Variants in KRT7 observed in about 807,000 individuals in gnomAD.
KRT7 encodes keratin, type II cytoskeletal 7.
KRT7 carries 50 observed loss-of-function variants against 42.8 expected under a neutral mutation model. That is an observed-to-expected ratio of 1.17 (90% CI 0.93 to 1.48). The LOEUF (loss-of-function observed/expected upper bound fraction) is 1.48, where lower values mean the gene tolerates loss of function less well. Among genes scored for constraint, KRT7 ranks in the 40% most tolerant of loss-of-function variants. The pLI is 0.00. For missense variants in KRT7, 588 were observed against 637.6 expected, an observed-to-expected ratio of 0.92 and a Z score of 0.84; for synonymous variants, 268 against 266.3, an observed-to-expected ratio of 1.01 and a Z score of -0.06.
intron 2 of KRT7, among the ~76,000 whole-genome samples, 196 bp from the exon 3 acceptor site, chr12:52,237,313 C>T (rs1942023957): frequency 6.6e-6 from 1 of 152,142 alleles, no homozygotes; most frequent in African/African-American, 2.4e-5. Context: ...ACCCCCCATG[C>T]CAAGACTCAA....
At chr12:52,244,264 C>T (rs907172829) in intron 6 of KRT7, 28 of 954,156 alleles carry the variant, frequency 2.9e-5, no homozygotes, top group Admixed American at 2.5e-4. Flanking sequence ...TGAGTCACCC[C>T]ATGAAGTGGG....
At chr12:52,251,296 CTT>C (rs2121126466), downstream of KRT7, among the ~76,000 whole-genome samples, 3 of 152,304 alleles carry the variant, frequency 2.0e-5, no homozygotes, top group East Asian at 3.9e-4. Context: ...GGTGTCCAAT[CTT>C]TTGGCTTCCC....
downstream of KRT7, chr12:52,255,332 G>C (rs1942321744): frequency 4.4e-6 from 2 of 456,778 alleles, no homozygotes; most frequent in Non-Finnish European, 8.8e-6. Flanking sequence ...AGGGGACAAG[G>C]ATTCTGGGGT....
rs780160167 is a variant in KRT7 at position 52,243,066 on chromosome 12, C to A, written c.913C>A (p.Arg305=). ...GKHGDDLRNT[R]NEISEMNRAI... The stretch of plus-strand genomic sequence containing the variant: ...GCATGGGGACGACCTCCGGAATACC[C>A]GGAATGAGATTTCAGAGATGAACCG... Residue 305 remains arginine, a synonymous_variant, in exon 6 of 9, where the codon CGG becomes AGG. Transcript: ENST00000331817. 3 of 1,613,764 alleles carry A rather than the reference C, an allele frequency of 1.9e-6. No individual in the cohort carries two copies. Among genetic ancestry groups the A allele is most frequent in the Non-Finnish European group, 2.5e-6 (3 of 1,179,908 alleles).
chr12:52,244,689 A>T, intron 6 of KRT7: 1 of 961,230 alleles, frequency 1.0e-6, no homozygotes, highest in Non-Finnish European at 1.2e-6. Context: ...GCCTGGGACT[A>T]TTCAGGCTCC....
chr12:52,234,150 C>A (rs1285068775), intron 1 of KRT7, among the ~76,000 whole-genome samples: 2 of 151,080 alleles, frequency 1.3e-5, no homozygotes, highest in African/African-American at 4.9e-5. Context: ...CCCGCCCCTC[C>A]CCTCCCCCAC....
At chr12:52,254,812 C>T (rs915285664), downstream of KRT7, among the ~76,000 whole-genome samples, 1 of 152,190 alleles carries the variant, frequency 6.6e-6, no homozygotes, top group Non-Finnish European at 1.5e-5. Flanking sequence ...CCCCCTTAAC[C>T]TCTGCACCTC....
rs765766949 is a variant in KRT7, at chr12:52,248,583, T to C, written c.1241-8T>C. On this transcript the variant is annotated splice_polypyrimidine_tract_variant and splice_region_variant and intron_variant, in intron 8 of 8. Transcript: ENST00000331817. ...CGCTGAAGAGAGCCCTCCTCTTTTC[T>C]CTCCCAGCTGTGATGAATTCCACTG... The C allele has an allele frequency of 1.3e-5, 20 of 1,564,584 alleles. No homozygotes were observed. Among genetic ancestry groups the C allele is most frequent in the Middle Eastern group, 1.7e-4 (1 of 5,852 alleles).
Position 52,237,706 on chromosome 12 carries a change from C to T in KRT7, c.597+137C>T, listed in dbSNP as rs911684996. 43 of 586,538 alleles carry T rather than the reference C, an allele frequency of 7.3e-5. 1 individual carries two copies. Among genetic ancestry groups the T allele is most frequent in the Admixed American group, 3.8e-4 (13 of 34,026 alleles). The allele number at this position is 586,538 out of a possible 1,614,324, so 36.3% of individuals were successfully genotyped here. A position where few individuals can be genotyped will look rare whatever the true frequency, so the allele number is the denominator to read the frequency against. On this transcript the variant is annotated intron_variant, in intron 3 of 8. Transcript: ENST00000331817. ...GCTGTCCAAGAGGAAGTCTGCACAGCCTGTCCTGTGGGTGCGTGTATGTGT... is the reference window on the plus strand; with the variant it reads ...GCTGTCCAAGAGGAAGTCTGCACAGTCTGTCCTGTGGGTGCGTGTATGTGT...
chr12:52,238,170 G>C (rs1942036438), intron 3 of KRT7, among the ~76,000 whole-genome samples: 1 of 152,190 alleles, frequency 6.6e-6, no homozygotes, highest in African/African-American at 2.4e-5. Context: ...GCTTGAGAAA[G>C]TGCAGCTGGA....
intron 4 of KRT7, 138 bp downstream of exon 4, chr12:52,238,913 A>G: frequency 3.2e-6 from 2 of 619,312 alleles, no homozygotes; most frequent in South Asian, 2.0e-5. Context: ...AAACCCAAAG[A>G]ATGGACTCAG....
At chr12:52,242,934 C>A in intron 5 of KRT7, 78 bp from the exon 6 acceptor site, 3 of 1,472,396 alleles carry the variant, frequency 2.0e-6, no homozygotes, top group Non-Finnish European at 2.7e-6. Flanking sequence ...TTGGGAGGGG[C>A]CTTGGGTGGG....
At chr12:52,236,205 C>CG (rs372503700) in intron 2 of KRT7, among the ~76,000 whole-genome samples, 16 of 150,994 alleles carry the variant, frequency 1.1e-4, no homozygotes, top group African/African-American at 2.7e-4. Flanking sequence ...GTGCCCCCCC[C>CG]CAACACTCCC....
chr12:52,254,261 C>A (rs751364094), downstream of KRT7: 5 of 884,940 alleles, frequency 5.7e-6, no homozygotes, highest in South Asian at 6.5e-5. Flanking sequence ...TGCTTTGTGA[C>A]CCCGCACCTC....
downstream of KRT7, among the ~76,000 whole-genome samples, chr12:52,249,654 G>A (rs1942233172): frequency 6.6e-6 from 1 of 152,126 alleles, no homozygotes; most frequent in Non-Finnish European, 1.5e-5. Context: ...CAGGTGTTCT[G>A]TGGCAGGGCC....
intron 3 of KRT7, 68 bp downstream of exon 3, chr12:52,237,637 T>A: frequency 7.3e-7 from 1 of 1,369,698 alleles, no homozygotes; most frequent in South Asian, 1.3e-5. Flanking sequence ...CAGGATCCTC[T>A]CACCTGAGCA....
At position 52,233,404 on chromosome 12, in the gene KRT7, C is replaced by G. The variant is rs1288915759; in HGVS notation, c.108C>G (p.Ser36Arg). The G allele has an allele frequency of 1.3e-6, 2 of 1,565,326 alleles. No individual in the cohort carries two copies. The highest frequency in any genetic ancestry group is 2.9e-5 in the African/African-American group (2 of 70,082). ...LSSARPGGLG[S>R]SSLYGLGASR... is the part of the protein sequence containing the mutation. ...CCGCTCGCCCCGGCGGCCTTGGCAGCAGCAGCCTCTACGGCCTCGGCGCCT... is the reference window on the plus strand; with the variant it reads ...CCGCTCGCCCCGGCGGCCTTGGCAGGAGCAGCCTCTACGGCCTCGGCGCCT... Residue 36 changes from serine to arginine, a missense_variant, in exon 1 of 9, where the codon AGC becomes AGG. Ser to Arg is a moderately radical substitution (Grantham distance 110). Transcript: ENST00000331817.
At chr12:52,244,472 G>C (rs1055797157) in intron 6 of KRT7, 1 of 985,766 alleles carries the variant, frequency 1.0e-6, no homozygotes, top group African/African-American at 1.7e-5. Context: ...TTGGCTCTGG[G>C]GGCACCAGTG....
At chr12:52,254,195 C>G (rs1215191876), downstream of KRT7, 1 of 601,278 alleles carries the variant, frequency 1.7e-6, no homozygotes, top group South Asian at 1.5e-5. Flanking sequence ...GGGTCAGAAG[C>G]TGAATGGTGA....
Sources: gnomAD v4.1 joint callset for allele counts (sites outside exome capture counted in the v4.1 genomes callset) on GRCh38, gnomAD v4.1.1 for gene constraint, MANE v1.5 for transcripts, NCBI Gene and HGNC (gene_info 2026-07-23, HGNC 2026-07-21) for gene names.